The following SLC30A9 variants were observed in gnomAD, a reference collection of about 807,000 sequenced individuals.
The protein encoded by SLC30A9 is solute carrier family 30 member 9, also known as proton-coupled zinc antiporter SLC30A9, mitochondrial.
Under a neutral mutation model 87.5 loss-of-function variants are expected in SLC30A9, and 58 were observed. The observed-to-expected ratio is 0.66, with a 90% CI of 0.54 to 0.82. The LOEUF is 0.82. SLC30A9 is among the 40% of genes least tolerant of loss of function. The pLI is 0.00. For missense variants in SLC30A9, 557 were observed against 679.1 expected (o/e 0.82, Z 2.00); for synonymous variants, 234 against 233.0 (o/e 1.00, Z -0.04).
At chr4:42,079,628 G>A (rs1718682908) in intron 17 of SLC30A9, among the ~76,000 whole-genome samples, 1 of 130,294 alleles carries the variant, frequency 7.7e-6, no homozygotes, top group South Asian at 2.5e-4. Flanking sequence ...TTTTAACTGA[G>A]ACGGAGTCTC....
At chr4:42,055,730 G>C (rs1426189845) in intron 9 of SLC30A9, among the ~76,000 whole-genome samples, 2 of 152,130 alleles carry the variant, frequency 1.3e-5, no homozygotes, top group Non-Finnish European at 2.9e-5. Context: ...AAGAAGACAT[G>C]GTTCTTTCTC....
At chr4:42,069,924 C>G (rs1481297671) in intron 14 of SLC30A9, among the ~76,000 whole-genome samples, 1 of 152,144 alleles carries the variant, frequency 6.6e-6, no homozygotes, top group Non-Finnish European at 1.5e-5. Context: ...ACCAAGTTTT[C>G]AAGTGATGGC....
chr4:42,055,765 C>T (rs982561471), intron 9 of SLC30A9, among the ~76,000 whole-genome samples: 5 of 152,176 alleles, frequency 3.3e-5, no homozygotes, highest in Admixed American at 1.3e-4. Context: ...AGGTTATATG[C>T]GGTTATATGC....
chr4:42,041,403 A>C (rs1716918556), intron 8 of SLC30A9, among the ~76,000 whole-genome samples: 1 of 152,062 alleles, frequency 6.6e-6, no homozygotes, highest in African/African-American at 2.4e-5. Context: ...TCCTTGCCTC[A>C]GCCTCCTGAG....
At chr4:42,037,239 C>CTTTTTTTTTTTT (rs536795831) in intron 7 of SLC30A9, among the ~76,000 whole-genome samples, 3 of 91,196 alleles carry the variant, frequency 3.3e-5, no homozygotes, top group Admixed American at 1.6e-4. Flanking sequence ...TAAATGCCTT[C>CTTTTTTTTTTTT]TTTTTTTTTT....
intron 17 of SLC30A9, among the ~76,000 whole-genome samples, chr4:42,079,095 A>G (rs770669200): frequency 1.3e-5 from 2 of 152,100 alleles, no homozygotes; most frequent in Non-Finnish European, 2.9e-5. Flanking sequence ...CATGAGCTTT[A>G]TCTGACATAA....
At chr4:42,044,386 CAAAA>C (rs57572080) in intron 8 of SLC30A9, among the ~76,000 whole-genome samples, 11 of 98,702 alleles carry the variant, frequency 1.1e-4, no homozygotes, top group Non-Finnish European at 2.1e-4. Flanking sequence ...AAATGGAAAG[CAAAA>C]AAAAAAAAAA....
intron 6 of SLC30A9, among the ~76,000 whole-genome samples, chr4:42,032,227 C>T (rs1176965431): frequency 6.6e-6 from 1 of 151,926 alleles, no homozygotes; most frequent in Non-Finnish European, 1.5e-5. Context: ...CACCAGGCCC[C>T]ACCTCCAACA....
intron 17 of SLC30A9, among the ~76,000 whole-genome samples, chr4:42,082,483 G>T (rs1220439159): frequency 1.3e-5 from 2 of 152,096 alleles, no homozygotes; most frequent in African/African-American, 4.8e-5. Flanking sequence ...ATATAATTCT[G>T]TACCAGTGGA....
intron 1 of SLC30A9, among the ~76,000 whole-genome samples, chr4:41,997,142 C>T (rs1714753972): frequency 7.1e-6 from 1 of 140,790 alleles, no homozygotes; most frequent in Non-Finnish European, 1.6e-5. Flanking sequence ...GTCATCATCT[C>T]CTATTGTTTC....
intron 9 of SLC30A9, among the ~76,000 whole-genome samples, chr4:42,056,553 C>T (rs995632581): frequency 4.6e-5 from 7 of 152,128 alleles, no homozygotes; most frequent in Non-Finnish European, 1.0e-4. Flanking sequence ...CACTAGGTCC[C>T]TCCCACAACA....
chr4:41,997,065 A>AAATAAATAAATAAAT (rs1560532863), intron 1 of SLC30A9, among the ~76,000 whole-genome samples: 3 of 70,140 alleles, frequency 4.3e-5, no homozygotes, highest in Admixed American at 1.7e-4. Context: ...AATAAATAAA[A>AAATAAATAAATAAAT]ATGAAAAAGA....
At chr4:42,051,602 G>A (rs750499730) in intron 9 of SLC30A9, among the ~76,000 whole-genome samples, 1 of 152,092 alleles carries the variant, frequency 6.6e-6, no homozygotes, top group Non-Finnish European at 1.5e-5. Context: ...AATATATCTG[G>A]TGTGAAAAAT....
intron 4 of SLC30A9, among the ~76,000 whole-genome samples, chr4:42,021,180 A>G (rs1242433496): frequency 6.6e-6 from 1 of 152,200 alleles, no homozygotes; most frequent in African/African-American, 2.4e-5. Flanking sequence ...TATTACATCA[A>G]CAACCAATTA....
intron 11 of SLC30A9, among the ~76,000 whole-genome samples, chr4:42,063,621 T>C (rs1245156666): frequency 6.6e-6 from 1 of 152,242 alleles, no homozygotes; most frequent in African/African-American, 2.4e-5. Context: ...CCTCTGGGGC[T>C]TCTGCCCCTC....
intron 17 of SLC30A9, among the ~76,000 whole-genome samples, chr4:42,082,597 C>T (rs1420145413): frequency 6.6e-6 from 1 of 152,222 alleles, no homozygotes; most frequent in African/African-American, 2.4e-5. Flanking sequence ...CCTGTCATCC[C>T]AGCACTTTGG....
intron 2 of SLC30A9, among the ~76,000 whole-genome samples, chr4:42,013,863 A>G (rs1447548806): frequency 1.3e-5 from 2 of 152,258 alleles, no homozygotes; most frequent in Admixed American, 1.3e-4. Context: ...TCCCACAAGC[A>G]CAGGCAACCA....
chr4:42,018,184 A>G lies in SLC30A9; in HGVS notation c.334+14A>G. ...TCCAAGTAAGAGGTAAATATATTTT[A>G]TCCTATTTTTGTATTATAAAGATGT... On this transcript the variant is annotated intron_variant, in intron 3 of 17. Transcript: ENST00000264451. 1 of 1,452,946 alleles carries G rather than the reference A, an allele frequency of 6.9e-7. No individual in the cohort carries two copies. Among genetic ancestry groups the G allele is most frequent in the Non-Finnish European group, 9.6e-7 (1 of 1,044,664 alleles). 90.0% of individuals were successfully genotyped at this position (1,452,946 alleles called of 1,614,324 possible). A position where few individuals can be genotyped will look rare whatever the true frequency, so the allele number is the denominator to read the frequency against.
rs118046871 is a variant in SLC30A9 at position 42,018,726 on chromosome 4, A to G, written c.334+556A>G. On this transcript the variant is annotated intron_variant, in intron 3 of 17. Coordinates refer to ENST00000264451, the MANE Select transcript of SLC30A9 (RefSeq NM_006345.4). Reference sequence around the variant, plus strand: ...CTTACCAGCTGGCTGACCTTGGGCAATTTACTTGACTTCTCTGAGGCTTAG... The same window carrying G: ...CTTACCAGCTGGCTGACCTTGGGCAGTTTACTTGACTTCTCTGAGGCTTAG... Among the ~76,000 whole-genome samples, 25 of 152,272 alleles carry G rather than the reference A, an allele frequency of 1.6e-4. No individual in the cohort carries two copies. The East Asian group carries it at 4.4e-3, about 27-fold the overall frequency.
Sources: gnomAD v4.1 joint callset for allele counts (sites outside exome capture counted in the v4.1 genomes callset) on GRCh38, gnomAD v4.1.1 for gene constraint, MANE v1.5 for transcripts, NCBI Gene and HGNC (gene_info 2026-07-23, HGNC 2026-07-21) for gene names.